The following ADCYAP1R1 variants were observed in gnomAD, a reference collection of about 807,000 sequenced individuals.
ADCYAP1R1 encodes ADCYAP receptor type I, also known as pituitary adenylate cyclase-activating polypeptide type I receptor.
A neutral mutation model predicts 67.6 loss-of-function variants in ADCYAP1R1; 44 were observed. The observed-to-expected ratio is 0.65, with a 90% CI of 0.51 to 0.84. ADCYAP1R1 has a LOEUF of 0.84. Among genes scored for constraint, ADCYAP1R1 ranks in the 40% least tolerant of loss-of-function variants. ADCYAP1R1 has a pLI of 0.00. For synonymous variants in ADCYAP1R1, 222 were observed against 219.6 expected (o/e 1.01, Z -0.10); for missense variants, 477 against 587.9 (o/e 0.81, Z 1.95).
intron 1 of ADCYAP1R1, among the ~76,000 whole-genome samples, chr7:31,055,964 G>T (rs1794221815): frequency 6.6e-6 from 1 of 152,164 alleles, no homozygotes; most frequent in African/African-American, 2.4e-5. Flanking sequence ...ACAACATTCA[G>T]GACTGAAAAA....
rs1796471695 is a variant in ADCYAP1R1, at chr7:31,102,311, G to T, written c.1047-926G>T. Among the ~76,000 whole-genome samples the T allele has an allele frequency of 6.6e-6, 1 of 152,214 alleles. No individual in the cohort carries two copies. The highest frequency in any genetic ancestry group is 3.2e-3 in the Middle Eastern group (1 of 316). On this transcript the variant is annotated intron_variant, in intron 13 of 15. Coordinates refer to ENST00000304166, the MANE Select transcript of ADCYAP1R1 (RefSeq NM_001118.5). The surrounding 1 kb of genome is among the most constrained non-coding windows in gnomAD (Gnocchi z 4.3). ...CACATCTGCGGGGCAGGCCACATCT[G>T]CAGGGCAGAGCTGGACTCTCTGGGG...
chr7:31,092,812 G>T, intron 13 of ADCYAP1R1, 77 bp downstream of exon 13: 2 of 1,093,214 alleles, frequency 1.8e-6, no homozygotes, highest in Non-Finnish European at 1.4e-6. Flanking sequence ...AGCAGAAGGC[G>T]GCCTGGGCTT....
chr7:31,072,929 A>G (rs1795048658), intron 3 of ADCYAP1R1, among the ~76,000 whole-genome samples: 3 of 152,236 alleles, frequency 2.0e-5, no homozygotes, highest in Admixed American at 6.5e-5. Context: ...GCTGGTTTCA[A>G]AGAGGGAGGA....
chr7:31,096,571 G>C (rs891346563), intron 13 of ADCYAP1R1, among the ~76,000 whole-genome samples: 10 of 152,218 alleles, frequency 6.6e-5, no homozygotes, highest in Admixed American at 6.5e-4. Context: ...CCAGCAGTCA[G>C]TGGCTGAGCA....
In ADCYAP1R1 at chr7:31,086,650, C is replaced by G. The variant is rs956581450; in HGVS notation, c.823+113C>G. The stretch of plus-strand genomic sequence containing the variant: ...CAGGTGAGGAGGGGCCACTGCCCTG[C>G]CCGAGTCTAATGGCCTAGGCTCTGT... On this transcript the variant is annotated intron_variant, in intron 10 of 15. Transcript: ENST00000304166. This position sits in a 1 kb window ranked among gnomAD's most constrained non-coding sequence, Gnocchi z 5.0. 8 of 1,294,992 alleles carry G rather than the reference C, an allele frequency of 6.2e-6. No homozygotes were observed. The highest frequency in any genetic ancestry group is 1.5e-5 in the African/African-American group (1 of 67,958). The allele number at this position is 1,294,992 out of a possible 1,614,324, so 80.2% of individuals were successfully genotyped here.
intron 4 of ADCYAP1R1, among the ~76,000 whole-genome samples, chr7:31,080,231 A>C (rs1256554876): frequency 6.6e-6 from 1 of 152,176 alleles, no homozygotes; most frequent in Non-Finnish European, 1.5e-5. Flanking sequence ...GCCTTTTAGC[A>C]CCTCTGTTCA....
intron 1 of ADCYAP1R1, among the ~76,000 whole-genome samples, chr7:31,058,930 G>A (rs761869839): frequency 1.1e-4 from 17 of 152,196 alleles, no homozygotes; most frequent in Non-Finnish European, 2.4e-4. Context: ...GGTCACCTCC[G>A]CCATAGAAGG....
At chr7:31,090,633 A>G (rs1795928736) in intron 12 of ADCYAP1R1, among the ~76,000 whole-genome samples, 2 of 152,114 alleles carry the variant, frequency 1.3e-5, no homozygotes, top group South Asian at 2.1e-4. Flanking sequence ...TGAGTGCTCA[A>G]TGTTTAGCTC....
At chr7:31,076,785 T>C (rs912966542) in intron 3 of ADCYAP1R1, among the ~76,000 whole-genome samples, 3 of 152,162 alleles carry the variant, frequency 2.0e-5, no homozygotes, top group African/African-American at 7.2e-5. Context: ...ACCAGCCTGT[T>C]CCTGCCCCTC....
chr7:31,096,096 A>G (rs1384145193), intron 13 of ADCYAP1R1, among the ~76,000 whole-genome samples: 1 of 152,098 alleles, frequency 6.6e-6, no homozygotes, highest in Non-Finnish European at 1.5e-5. Context: ...TGAGCAGGTA[A>G]CTGGTTCAGA....
intron 13 of ADCYAP1R1, among the ~76,000 whole-genome samples, chr7:31,095,348 G>A (rs1796145297): frequency 6.6e-6 from 1 of 152,302 alleles, no homozygotes; most frequent in South Asian, 2.1e-4. Flanking sequence ...CTCAAGGAAT[G>A]CACAGATGAA....
chr7:31,095,706 G>A (rs1796164266), intron 13 of ADCYAP1R1: 4 of 717,982 alleles, frequency 5.6e-6, no homozygotes, highest in Admixed American at 2.0e-5. Context: ...AAGCCCGAGA[G>A]GACCCCCTGC....
At chr7:31,061,832 T>C (rs527645193) in intron 1 of ADCYAP1R1, among the ~76,000 whole-genome samples, 1 of 152,218 alleles carries the variant, frequency 6.6e-6, no homozygotes, top group African/African-American at 2.4e-5. Flanking sequence ...CTCTGCCTGC[T>C]GGTGGGGGGG....
chr7:31,104,124 T>C (rs146816281), intron 14 of ADCYAP1R1, among the ~76,000 whole-genome samples: 16 of 152,268 alleles, frequency 1.1e-4, no homozygotes, highest in Admixed American at 2.0e-4. Flanking sequence ...TGAGACTGAC[T>C]ATGGGTCTCA....
intron 1 of ADCYAP1R1, among the ~76,000 whole-genome samples, chr7:31,056,650 A>G (rs1794257922): frequency 6.6e-6 from 1 of 151,956 alleles, no homozygotes; most frequent in Admixed American, 6.5e-5. Flanking sequence ...CCTCTACCCT[A>G]GATCCGGGAA....
chr7:31,084,061 T>C (rs2128629643), intron 6 of ADCYAP1R1, 80 bp from the exon 7 acceptor site: 1 of 1,268,058 alleles, frequency 7.9e-7, no homozygotes, highest in Non-Finnish European at 1.1e-6. Flanking sequence ...GAATTCCCAC[T>C]GAATACGTAA....
intron 14 of ADCYAP1R1, among the ~76,000 whole-genome samples, chr7:31,104,481 G>A (rs1002230106): frequency 1.3e-5 from 2 of 152,200 alleles, no homozygotes; most frequent in African/African-American, 4.8e-5. Context: ...GATGGCACAG[G>A]TCTGTTCTGT....
At position 31,064,949 on chromosome 7, in the gene ADCYAP1R1, G is replaced by A. The variant is rs757290969; in HGVS notation, c.157+13G>A. 4 of 1,586,850 alleles carry A rather than the reference G, an allele frequency of 2.5e-6. No homozygotes were observed. Among genetic ancestry groups the A allele is most frequent in the African/African-American group, 2.7e-5 (2 of 74,338 alleles). ...GATTCCTCTCCAGGTGAGCGGGGCGGCAGGGAGCATGCCACGTCCCCAGTG... is the reference window on the plus strand; with the variant it reads ...GATTCCTCTCCAGGTGAGCGGGGCGACAGGGAGCATGCCACGTCCCCAGTG... On this transcript the variant is annotated intron_variant, in intron 3 of 15. Coordinates refer to ENST00000304166, the MANE Select transcript of ADCYAP1R1 (RefSeq NM_001118.5).
At chr7:31,078,149 A>C in intron 4 of ADCYAP1R1, 51 bp downstream of exon 4, 28 of 1,481,322 alleles carry the variant, frequency 1.9e-5, no homozygotes, top group Non-Finnish European at 2.3e-5. Flanking sequence ...CTGCTCCCCA[A>C]ATTCGGCCCC....
Sources: gnomAD v4.1 joint callset for allele counts (sites outside exome capture counted in the v4.1 genomes callset) on GRCh38, gnomAD v4.1.1 for gene constraint, Gnocchi (gnomAD v3.1) non-coding constraint, MANE v1.5 for transcripts, NCBI Gene and HGNC (gene_info 2026-07-23, HGNC 2026-07-21) for gene names.